The following INKA2 variants were observed in gnomAD, a reference collection of about 807,000 sequenced individuals.
INKA2 encodes the protein PAK4-inhibitor INKA2.
Under a neutral mutation model 9.8 loss-of-function variants are expected in INKA2, and 3 were observed. The ratio of observed to expected loss-of-function variants is 0.31; its 90% CI spans 0.14 to 0.79. INKA2 has a LOEUF of 0.79. Among genes scored for constraint, INKA2 ranks in the 30% least tolerant of loss-of-function variants. INKA2 has a pLI of 0.62. For synonymous variants in INKA2, 147 were observed against 143.3 expected (o/e 1.03, Z -0.18); for missense variants, 392 against 384.4 (o/e 1.02, Z -0.17).
chr1:111,743,675 C>T (rs1037058595), upstream of INKA2, among the ~76,000 whole-genome samples: 8 of 152,302 alleles, frequency 5.3e-5, no homozygotes, highest in Admixed American at 1.3e-4. Flanking sequence ...AGGCAGTATC[C>T]AGCTTCTCAT....
At position 111,723,802 on chromosome 1, in the gene INKA2, G is replaced by A. The variant is rs986599181; in HGVS notation, c.*3166C>T. ...ACAGCCTCTGTCATTGCCATGGCAG[G>A]TGTCCAGGGGGAAGGGAAAAGTAAG... On this transcript the variant is annotated 3_prime_UTR_variant, in exon 2 of 2. Coordinates refer to ENST00000357260, the MANE Select transcript of INKA2 (RefSeq NM_019099.5). 1 of 152,384 alleles carries A rather than the reference G, an allele frequency of 6.6e-6. No homozygotes were observed. Among genetic ancestry groups the A allele is most frequent in the African/African-American group, 2.4e-5 (1 of 41,448 alleles). 9.4% of individuals were successfully genotyped at this position (152,384 alleles called of 1,614,324 possible). A position where few individuals can be genotyped will look rare whatever the true frequency, so the allele number is the denominator to read the frequency against.
rs560898650 is a variant in INKA2, at chr1:111,726,877, G to A, written c.*91C>T. The A allele has an allele frequency of 1.5e-5, 20 of 1,310,616 alleles. No homozygotes were observed. Among genetic ancestry groups the A allele is most frequent in the African/African-American group, 3.0e-5 (2 of 67,678 alleles). The allele number at this position is 1,310,616 out of a possible 1,614,324, so 81.2% of individuals were successfully genotyped here. On this transcript the variant is annotated 3_prime_UTR_variant, in exon 2 of 2. Transcript: ENST00000357260. ...GAAAGGAACTTGGAGTTGGGCTTTC[G>A]AGAGCCATACCGCCCACCCTCCCTC...
upstream of INKA2, among the ~76,000 whole-genome samples, chr1:111,743,580 T>C (rs1384797423): frequency 6.6e-6 from 1 of 152,170 alleles, no homozygotes; most frequent in Non-Finnish European, 1.5e-5. Context: ...AACACCACCA[T>C]TCTCCTGGCT....
chr1:111,749,895 C>G (rs2076588), intron 1 of INKA2, among the ~76,000 whole-genome samples: 21,173 of 152,214 alleles, frequency 0.14, 1,534 homozygotes, highest in Admixed American at 0.19. Context: ...TTGCTGCTGA[C>G]AGCCGCTTTA....
In INKA2 at chr1:111,723,420, G is replaced by T. The variant is rs369925127; in HGVS notation, c.*3548C>A. On this transcript the variant is annotated 3_prime_UTR_variant, in exon 2 of 2. Coordinates refer to ENST00000357260, the MANE Select transcript of INKA2 (RefSeq NM_019099.5). ...AAGAGAAAGGGAGGAGGGAGACCAG[G>T]CCGGCCCCACTAGCATGCCCAGCAG... The T allele has an allele frequency of 1.4e-5, 4 of 287,554 alleles. No homozygotes were observed. The highest frequency in any genetic ancestry group is 1.4e-4 in the African/African-American group (3 of 22,092). The allele number at this position is 287,554 out of a possible 1,614,324, so 17.8% of individuals were successfully genotyped here.
chr1:111,745,295 T>TATATA (rs1557915475), intron 1 of INKA2: 107 of 36,916 alleles, frequency 2.9e-3, no homozygotes, highest in South Asian at 5.1e-3. Flanking sequence ...ATATATATAT[T>TATATA]TTTTTTTTTT....
upstream of INKA2, chr1:111,739,741 A>C (rs906932146): frequency 6.4e-6 from 1 of 156,636 alleles, no homozygotes; most frequent in African/African-American, 2.4e-5. Context: ...GCAGAGTGCC[A>C]TAGTGTCAGT....
rs756614102 is a variant in INKA2 at position 111,727,320 on chromosome 1, T to G, written c.542A>C (p.Lys181Thr). The G allele has an allele frequency of 5.6e-6, 9 of 1,614,124 alleles. No homozygotes were observed. The East Asian group carries it at 1.1e-4, about 20-fold the overall frequency. ...DLPELEKGGE[K>T]GETGGAREPK... ...TTCACGTGCCCCCCCAGTCTCACCC[T>G]TCTCCCCACCCTTCTCCAGTTCTGG... The change falls in exon 2 of 2, where the codon AAG (lysine) becomes ACG (threonine). Residue 181 changes from lysine (K) to threonine (T), a missense_variant. Physicochemically the swap from Lys to Thr is moderately conservative, Grantham distance 78. Transcript: ENST00000357260.
chr1:111,731,521 T>C (rs1449732322), intron 1 of INKA2, among the ~76,000 whole-genome samples: 1 of 152,044 alleles, frequency 6.6e-6, no homozygotes. Flanking sequence ...CAGCTAACTT[T>C]TTTGTATTTT....
At chr1:111,755,582 G>C in intron 1 of INKA2, 1 of 1,179,398 alleles carries the variant, frequency 8.5e-7, no homozygotes, top group Non-Finnish European at 1.2e-6. Context: ...AGAACGGCGA[G>C]AGGGCGGTGG....
chr1:111,731,502 C>T (rs1318881016), intron 1 of INKA2, among the ~76,000 whole-genome samples: 3 of 152,098 alleles, frequency 2.0e-5, no homozygotes, highest in African/African-American at 7.2e-5. Flanking sequence ...AGGCACAGGT[C>T]AGCATGCCCA....
intron 1 of INKA2, chr1:111,745,231 T>TATATACAC (rs1356034280): frequency 2.2e-4 from 25 of 112,724 alleles, no homozygotes; most frequent in African/African-American, 8.8e-4. Flanking sequence ...CAAGCAAATA[T>TATATACAC]ACACACACAC....
intron 1 of INKA2, among the ~76,000 whole-genome samples, chr1:111,728,903 C>CTTTTTTTTTTTTTTT (rs34918562): frequency 4.3e-5 from 5 of 115,556 alleles, no homozygotes; most frequent in African/African-American, 1.0e-4. Context: ...TGGAGCTAGG[C>CTTTTTTTTTTTTTTT]TTTTTTTTTT....
upstream of INKA2, among the ~76,000 whole-genome samples, chr1:111,739,579 G>T (rs2101378210): frequency 6.6e-6 from 1 of 152,358 alleles, no homozygotes. Flanking sequence ...CACTGGGGCT[G>T]GCGAGGACAC....
chr1:111,733,892 G>A (rs763246074), intron 1 of INKA2, among the ~76,000 whole-genome samples: 22 of 152,158 alleles, frequency 1.4e-4, no homozygotes, highest in Non-Finnish European at 2.9e-4. Flanking sequence ...CTTTGATACA[G>A]GCTCCAGCTT....
At chr1:111,741,817 G>C (rs182796096), upstream of INKA2, among the ~76,000 whole-genome samples, 115 of 152,360 alleles carry the variant, frequency 7.5e-4, no homozygotes, top group Admixed American at 3.7e-3. Flanking sequence ...CCAGGTTCAA[G>C]CGATTTTCGT....
chr1:111,725,974 T>C lies in INKA2; in HGVS notation c.*994A>G, dbSNP rs1412238091. 1 of 395,496 alleles carries C rather than the reference T, an allele frequency of 2.5e-6. No individual in the cohort carries two copies. Among genetic ancestry groups the C allele is most frequent in the Admixed American group, 4.4e-5 (1 of 22,614 alleles). The allele number at this position is 395,496 out of a possible 1,614,324, so 24.5% of individuals were successfully genotyped here. On this transcript the variant is annotated 3_prime_UTR_variant, in exon 2 of 2. Coordinates refer to ENST00000357260, the MANE Select transcript of INKA2 (RefSeq NM_019099.5). ...CTGGTCATGAACTCCTGACCCCAGG[T>C]AATCCGCCTGCCTTGCCCTCCCAAA...
intron 1 of INKA2, chr1:111,745,293 A>ATATATATATATATTT (rs1358304932): frequency 1.4e-4 from 7 of 49,268 alleles, no homozygotes; most frequent in Non-Finnish European, 2.2e-4. Context: ...ATATATATAT[A>ATATATATATATATTT]TTTTTTTTTT....
chr1:111,726,328 C>T lies in INKA2; in HGVS notation c.*640G>A, dbSNP rs923857254. ...GTGTCTAGGGCTTCCCTGGCTGCTCCTTACACACTGTACTCCTTATTCAGC... is the reference window on the plus strand; with the variant it reads ...GTGTCTAGGGCTTCCCTGGCTGCTCTTTACACACTGTACTCCTTATTCAGC... On this transcript the variant is annotated 3_prime_UTR_variant, in exon 2 of 2. Transcript: ENST00000357260. 5 of 362,170 alleles carry T rather than the reference C, an allele frequency of 1.4e-5. No individual in the cohort carries two copies. The highest frequency in any genetic ancestry group is 8.4e-5 in the African/African-American group (4 of 47,668). 22.4% of individuals were successfully genotyped at this position (362,170 alleles called of 1,614,324 possible). A position where few individuals can be genotyped will look rare whatever the true frequency, so the allele number is the denominator to read the frequency against.
Sources: gnomAD v4.1 joint callset for allele counts (sites outside exome capture counted in the v4.1 genomes callset) on GRCh38, gnomAD v4.1.1 for gene constraint, MANE v1.5 for transcripts, NCBI Gene and HGNC (gene_info 2026-07-23, HGNC 2026-07-21) for gene names.